Variants in FIP1L1 observed in about 807,000 individuals in gnomAD.
FIP1L1 encodes the protein factor interacting with PAPOLA and CPSF1.
FIP1L1 carries 21 observed loss-of-function variants against 84.6 expected under a neutral mutation model. That is an observed-to-expected ratio of 0.25 (90% CI 0.18 to 0.36). The LOEUF is 0.36. Among genes scored for constraint, FIP1L1 ranks in the 10% least tolerant of loss-of-function variants. The probability of loss-of-function intolerance (pLI) is 1.00; values close to 1 mark genes in which losing one functional copy is unlikely to be tolerated. For missense variants in FIP1L1, 526 were observed against 751.1 expected (o/e 0.70, Z 3.50); for synonymous variants, 263 against 242.3 (o/e 1.09, Z -0.80).
chr4:53,390,954 C>A, intron 7 of FIP1L1, 55 bp from the exon 8 acceptor site: 2 of 1,393,168 alleles, frequency 1.4e-6, no homozygotes, highest in Non-Finnish European at 1.9e-6. Flanking sequence ...ATTTTTGATG[C>A]TGCATAAAAA....
chr4:53,414,622 A>C lies in FIP1L1; in HGVS notation c.823A>C (p.Thr275Pro), dbSNP rs1369606527. The C allele has an allele frequency of 6.2e-7, 1 of 1,610,510 alleles. No homozygotes were observed. The highest frequency in any genetic ancestry group is 1.1e-5 in the South Asian group (1 of 90,838). The change falls in exon 11 of 18, where the codon ACT becomes CCT. Residue 275 changes from threonine to proline, a missense_variant. Physicochemically the swap from Thr to Pro is conservative, Grantham distance 38. Coordinates refer to ENST00000337488, the MANE Select transcript of FIP1L1 (RefSeq NM_030917.4). The stretch of plus-strand genomic sequence containing the variant: ...GAAAATTTATCTCACCAGAAACAGC[A>C]CTTCTTCTCAGTCTCAGACAAGTAC... ...KTGLPPSRNS[T>P]SSQSQTSTAS...
intron 15 of FIP1L1, among the ~76,000 whole-genome samples, chr4:53,451,263 G>A (rs1202945217): frequency 6.6e-6 from 1 of 150,396 alleles, no homozygotes; most frequent in Non-Finnish European, 1.5e-5. Context: ...GAACCACCGC[G>A]CCCAGCCTGA....
At chr4:53,425,345 T>C (rs1290245132) in intron 11 of FIP1L1, among the ~76,000 whole-genome samples, 1 of 152,150 alleles carries the variant, frequency 6.6e-6, no homozygotes, top group Non-Finnish European at 1.5e-5. Flanking sequence ...AATTTTTCTA[T>C]CTAAATGCAA....
intron 11 of FIP1L1, among the ~76,000 whole-genome samples, chr4:53,418,698 T>G (rs906256833): frequency 6.6e-5 from 10 of 152,248 alleles, no homozygotes; most frequent in Admixed American, 5.9e-4. Context: ...TTTCTTAAGC[T>G]TATGTTCCTA....
At chr4:53,389,427 AAG>A (rs1742931224) in intron 5 of FIP1L1, among the ~76,000 whole-genome samples, 1 of 146,582 alleles carries the variant, frequency 6.8e-6, no homozygotes, top group African/African-American at 2.5e-5. Flanking sequence ...TATTGGCAAA[AAG>A]GTTTTTGAAA....
At chr4:53,394,635 CTCAG>C (rs1266226453) in intron 9 of FIP1L1, among the ~76,000 whole-genome samples, 1 of 152,010 alleles carries the variant, frequency 6.6e-6, no homozygotes, top group African/African-American at 2.4e-5. Context: ...CTTTGGTCTG[CTCAG>C]TCAGTTACTA....
At chr4:53,400,420 A>G (rs1326441280) in intron 10 of FIP1L1, among the ~76,000 whole-genome samples, 2 of 152,178 alleles carry the variant, frequency 1.3e-5, no homozygotes, top group Non-Finnish European at 1.5e-5. Flanking sequence ...TGCCATTACC[A>G]GGAAACTGGT....
chr4:53,418,768 A>G (rs368098757), intron 11 of FIP1L1, among the ~76,000 whole-genome samples: 3 of 152,334 alleles, frequency 2.0e-5, no homozygotes, highest in Admixed American at 6.5e-5. Context: ...TTGCTTTTCA[A>G]TGTTAAATCA....
chr4:53,389,966 T>C, intron 6 of FIP1L1, 93 bp downstream of exon 6: 3 of 889,802 alleles, frequency 3.4e-6, no homozygotes, highest in Non-Finnish European at 3.5e-6. Flanking sequence ...GGGGACAGAG[T>C]CTGGCTCTGT....
chr4:53,411,866 C>A (rs1320648482), intron 10 of FIP1L1, among the ~76,000 whole-genome samples: 3 of 151,916 alleles, frequency 2.0e-5, no homozygotes, highest in African/African-American at 7.3e-5. Context: ...AGCATCTTAA[C>A]TTTTTGTGAA....
intron 11 of FIP1L1, among the ~76,000 whole-genome samples, chr4:53,415,529 G>GGT (rs1553916947): frequency 5.5e-5 from 8 of 144,698 alleles, no homozygotes; most frequent in Middle Eastern, 3.8e-3. Context: ...TTTGTTTTTT[G>GGT]TTTTTTTTTT....
At chr4:53,387,449 C>T (rs1442670360) in intron 5 of FIP1L1, among the ~76,000 whole-genome samples, 3 of 152,192 alleles carry the variant, frequency 2.0e-5, no homozygotes, top group African/African-American at 7.2e-5. Context: ...ATTCATTTGA[C>T]ATGTTTATTT....
chr4:53,396,370 G>T (rs1474192095), intron 9 of FIP1L1, among the ~76,000 whole-genome samples: 1 of 151,818 alleles, frequency 6.6e-6, no homozygotes, highest in Non-Finnish European at 1.5e-5. Flanking sequence ...AAAAGCAAAT[G>T]TTTCTATGTT....
intron 15 of FIP1L1, among the ~76,000 whole-genome samples, chr4:53,449,840 T>C (rs1031297908): frequency 9.2e-5 from 14 of 152,160 alleles, no homozygotes; most frequent in African/African-American, 3.4e-4. Flanking sequence ...TTTTTGTTTT[T>C]AGTAGTTAAT....
chr4:53,391,299 G>A, intron 8 of FIP1L1, 131 bp from the exon 9 acceptor site: 1 of 1,172,628 alleles, frequency 8.5e-7, no homozygotes, highest in African/African-American at 1.5e-5. Flanking sequence ...CCCTTTTAGA[G>A]TTTCGTATTT....
chr4:53,400,992 G>A (rs942114238), intron 10 of FIP1L1, among the ~76,000 whole-genome samples: 2 of 152,166 alleles, frequency 1.3e-5, no homozygotes, highest in African/African-American at 4.8e-5. Flanking sequence ...TCTGGAGTCA[G>A]ATTTCTGGAG....
intron 11 of FIP1L1, among the ~76,000 whole-genome samples, chr4:53,422,315 C>CT (rs1762704218): frequency 6.6e-6 from 1 of 151,944 alleles, no homozygotes; most frequent in African/African-American, 2.4e-5. Context: ...TTTCATGAAT[C>CT]TTTTTTAGTT....
At chr4:53,429,554 T>C (rs953846425) in intron 13 of FIP1L1, among the ~76,000 whole-genome samples, 5 of 152,230 alleles carry the variant, frequency 3.3e-5, no homozygotes, top group Non-Finnish European at 7.3e-5. Flanking sequence ...CATATTTGAT[T>C]AATGATACTA....
chr4:53,444,619 A>G (rs1461322947), intron 15 of FIP1L1, among the ~76,000 whole-genome samples: 2 of 152,066 alleles, frequency 1.3e-5, no homozygotes, highest in Non-Finnish European at 2.9e-5. Flanking sequence ...TTTTGGAGAC[A>G]GAGTCTTGTC....
Sources: gnomAD v4.1 joint callset for allele counts (sites outside exome capture counted in the v4.1 genomes callset) on GRCh38, gnomAD v4.1.1 for gene constraint, MANE v1.5 for transcripts, NCBI Gene and HGNC (gene_info 2026-07-23, HGNC 2026-07-21) for gene names.